ANKAR: variants seen among roughly 807,000 people sequenced by gnomAD.
ANKAR encodes ankyrin and armadillo repeat containing, also known as ankyrin and armadillo repeat-containing protein.
A neutral mutation model predicts 146.2 loss-of-function variants in ANKAR; 136 were observed. The observed-to-expected ratio is 0.93, with a 90% CI of 0.81 to 1.07. The LOEUF (loss-of-function observed/expected upper bound fraction) is 1.07. Among genes scored for constraint, ANKAR ranks in the 50% least tolerant of loss-of-function variants. The probability of loss-of-function intolerance (pLI) is 0.00; values close to 1 mark genes in which losing one functional copy is unlikely to be tolerated. For synonymous variants in ANKAR, 500 were observed against 575.8 expected (o/e 0.87, Z 1.88); for missense variants, 1,567 against 1,679.9 (o/e 0.93, Z 1.18).
rs763763301 is a variant in ANKAR, at chr2:189,694,994, T to A, written c.1321T>A (p.Tyr441Asn). 3.3e-6 allele frequency: 5 copies of A among 1,513,198 alleles called. No individual in the cohort carries two copies. The highest frequency in any genetic ancestry group is 1.4e-5 in the African/African-American group (1 of 72,360). The allele number at this position is 1,513,198 out of a possible 1,614,324, so 93.7% of individuals were successfully genotyped here. ...EFHGKSYYVIYFELETFYQQL... is the reference protein window; with the variant it reads ...EFHGKSYYVINFELETFYQQL... ...TATTTTTTATAGCTACTATGTGATC[T>A]ATTTTGAACTAGAAACTTTCTATCA... The change falls in exon 6 of 23, where the codon TAT (tyrosine) becomes AAT (asparagine). Residue 441 changes from tyrosine to asparagine, a missense_variant. Coordinates refer to ENST00000684021, the MANE Select transcript of ANKAR (RefSeq NM_001378068.1).
At chr2:189,750,978 A>T (rs1054388639), downstream of ANKAR, among the ~76,000 whole-genome samples, 1 of 152,372 alleles carries the variant, frequency 6.6e-6, no homozygotes, top group South Asian at 2.1e-4. Context: ...ACAAAGCTAA[A>T]AAGGTAAAAA....
At chr2:189,690,305 C>T (rs1218046453) in intron 3 of ANKAR, among the ~76,000 whole-genome samples, 1 of 152,062 alleles carries the variant, frequency 6.6e-6, no homozygotes, top group Non-Finnish European at 1.5e-5. Flanking sequence ...TACTTCTATT[C>T]AAAATCCTGA....
rs1408585192 is a variant in ANKAR at position 189,676,836 on chromosome 2, C to T, written c.346C>T (p.Gln116Ter). 6.2e-7 allele frequency: 1 copy of T among 1,614,114 alleles called. No homozygotes were observed. Residue 116 changes from glutamine (Q) to a stop codon, truncating the protein, a stop_gained, in exon 2 of 23, where the codon CAA becomes TAA. Transcript: ENST00000684021. LOFTEE classifies it high-confidence loss of function. The part of the protein sequence containing the change: ...ELAIGIYCLN[Q>*]IPSISLEANY... Reference sequence around the variant, plus strand: ...GGCTATTGGAATTTATTGCCTAAATCAAATCCCTTCCATCAGTTTAGAAGC... The same window carrying T: ...GGCTATTGGAATTTATTGCCTAAATTAAATCCCTTCCATCAGTTTAGAAGC...
At position 189,676,603 on chromosome 2, in the gene ANKAR, A is replaced by G. The variant is rs1176785258; in HGVS notation, c.113A>G (p.Tyr38Cys). The change falls in exon 2 of 23, where the codon TAT becomes TGT. Residue 38 changes from tyrosine (Y) to cysteine (C), a missense_variant. Transcript: ENST00000684021. The stretch of plus-strand genomic sequence containing the variant: ...AATGCATCTGCTTTTTTTGAAAAAT[A>G]TGATCGGAGTGAAATACAAGAGTTA... ...QRNASAFFEK[Y>C]DRSEIQELLT... 7 of 1,613,574 alleles carry G rather than the reference A, an allele frequency of 4.3e-6. No individual in the cohort carries two copies. The highest frequency in any genetic ancestry group is 5.1e-6 in the Non-Finnish European group (6 of 1,179,910).
At chr2:189,717,248 A>G (rs1256743165) in intron 10 of ANKAR, among the ~76,000 whole-genome samples, 2 of 151,820 alleles carry the variant, frequency 1.3e-5, no homozygotes, top group Non-Finnish European at 2.9e-5. Context: ...TTACAAGAAA[A>G]AAACAACCCC....
At chr2:189,753,510 T>C (rs1469116091) in intron 18 of ANKAR, among the ~76,000 whole-genome samples, 2 of 152,126 alleles carry the variant, frequency 1.3e-5, no homozygotes, top group East Asian at 1.9e-4. Context: ...AACATTAGTG[T>C]CACGAAAGTT....
chr2:189,699,886 G>A (rs1036975852), intron 7 of ANKAR, among the ~76,000 whole-genome samples: 8 of 151,976 alleles, frequency 5.3e-5, no homozygotes, highest in East Asian at 1.9e-4. Flanking sequence ...GGCTGGTCTC[G>A]AACTCCTAAC....
chr2:189,713,330 G>A (rs1182238424), intron 10 of ANKAR, among the ~76,000 whole-genome samples: 1 of 152,132 alleles, frequency 6.6e-6, no homozygotes, highest in Non-Finnish European at 1.5e-5. Flanking sequence ...ATTCACCAAG[G>A]TTGAAATGAA....
In ANKAR at chr2:189,681,738, G is replaced by A. The variant is rs562819056; in HGVS notation, c.601+4647G>A. On this transcript the variant is annotated intron_variant, in intron 2 of 22. Transcript: ENST00000684021. The stretch of plus-strand genomic sequence containing the variant: ...GAGCTTTTCAGGTGATCCCTGGGGA[G>A]GGAGGTATTCAATGAGCTTGGGGCT... Among the ~76,000 whole-genome samples the A allele has an allele frequency of 2.0e-5, 3 of 152,302 alleles. No homozygotes were observed. In the East Asian group the frequency reaches 5.8e-4, roughly 29 times the overall value.
In ANKAR at chr2:189,737,657, A is replaced by G; in HGVS notation, c.3424-26A>G. On this transcript the variant is annotated intron_variant, in intron 17 of 22. Coordinates refer to ENST00000684021, the MANE Select transcript of ANKAR (RefSeq NM_001378068.1). ...AGTAACATGATAAATGAAGTTCACCATAATGCCTGTTTCTCCTATTTTTAG... is the reference window on the plus strand; with the variant it reads ...AGTAACATGATAAATGAAGTTCACCGTAATGCCTGTTTCTCCTATTTTTAG... The G allele has an allele frequency of 3.8e-6, 6 of 1,572,034 alleles. No individual in the cohort carries two copies. The South Asian group carries it at 7.3e-5, about 19-fold the overall frequency.
downstream of ANKAR, chr2:189,761,591 C>G (rs1315656001): frequency 6.2e-7 from 1 of 1,608,952 alleles, no homozygotes; most frequent in African/African-American, 1.3e-5. Context: ...ATAAACTTTC[C>G]TTTTTGATGG....
chr2:189,743,198 T>G, intron 20 of ANKAR, 77 bp from the exon 21 acceptor site: 2 of 1,414,556 alleles, frequency 1.4e-6, no homozygotes, highest in Non-Finnish European at 1.9e-6. Context: ...GACTTTCCTA[T>G]GAAATAGCTA....
intron 10 of ANKAR, among the ~76,000 whole-genome samples, chr2:189,716,427 A>G (rs985885152): frequency 8.5e-5 from 13 of 152,186 alleles, no homozygotes; most frequent in African/African-American, 2.7e-4. Context: ...CCACTGCTCA[A>G]TGAAATAAAA....
downstream of ANKAR, among the ~76,000 whole-genome samples, chr2:189,749,289 GTTT>G (rs11307480): frequency 7.5e-6 from 1 of 133,620 alleles, no homozygotes; most frequent in Non-Finnish European, 1.5e-5. Flanking sequence ...TTACTCCACG[GTTT>G]TTTTTTTTTT....
At chr2:189,715,142 A>T (rs924522780) in intron 10 of ANKAR, among the ~76,000 whole-genome samples, 7 of 152,132 alleles carry the variant, frequency 4.6e-5, no homozygotes, top group African/African-American at 1.4e-4. Flanking sequence ...ATATCAATGA[A>T]TCCAGGAGCT....
intron 18 of ANKAR, among the ~76,000 whole-genome samples, chr2:189,757,010 A>G (rs2046181367): frequency 6.6e-6 from 1 of 151,902 alleles, no homozygotes. Flanking sequence ...TCTTCCAGGG[A>G]TTATGCTAAA....
chr2:189,696,492 T>C, intron 7 of ANKAR, 123 bp downstream of exon 7: 5 of 856,922 alleles, frequency 5.8e-6, no homozygotes, highest in Non-Finnish European at 8.7e-6. Context: ...GTTGAGGTTT[T>C]TGTTTCATTT....
chr2:189,707,274 A>T, intron 9 of ANKAR, 128 bp downstream of exon 9: 2 of 464,976 alleles, frequency 4.3e-6, no homozygotes, highest in Non-Finnish European at 7.1e-6. Context: ...TGAAATAAAC[A>T]TTTTATTAAG....
chr2:189,681,504 C>T (rs73048418), intron 2 of ANKAR, among the ~76,000 whole-genome samples: 5,156 of 152,242 alleles, frequency 0.034, 298 homozygotes, highest in African/African-American at 0.12. Flanking sequence ...CACATAGGAA[C>T]ATTCTAATCA....
Sources: gnomAD v4.1 joint callset for allele counts (sites outside exome capture counted in the v4.1 genomes callset) on GRCh38, gnomAD v4.1.1 for gene constraint, MANE v1.5 for transcripts, NCBI Gene and HGNC (gene_info 2026-07-23, HGNC 2026-07-21) for gene names.